DDR1: variants seen among roughly 807,000 people sequenced by gnomAD.
The protein encoded by DDR1 is epithelial discoidin domain-containing receptor 1.
A neutral mutation model predicts 97.4 loss-of-function variants in DDR1; 64 were observed. The ratio of observed to expected loss-of-function variants is 0.66; its 90% confidence interval spans 0.54 to 0.81. DDR1 has a LOEUF of 0.81. Ranked by LOEUF, DDR1 falls within the 30% of genes least tolerant of loss-of-function variation. The probability of loss-of-function intolerance (pLI) is 0.00; values close to 1 mark genes in which losing one functional copy is unlikely to be tolerated. For synonymous variants in DDR1, 458 were observed against 503.7 expected (o/e 0.91, Z 1.21); for missense variants, 990 against 1,259.6 (o/e 0.79, Z 3.24).
rs73428079 is a variant in DDR1 at position 30,885,658 on chromosome 6, G to A, written c.-43+948G>A. 5.6e-4 allele frequency: 756 copies of A among 1,338,484 alleles called. 4 individuals carry two copies. The African/African-American group carries it at 9.6e-3, about 17-fold the overall frequency. 82.9% of individuals were successfully genotyped at this position (1,338,484 alleles called of 1,614,324 possible). ...AGGTGGCTATTCACTGAGCGATGGG[G>A]TTGGACTTGAAGGAATGCCAAGGTG... On this transcript the variant is annotated intron_variant, in intron 1 of 17. Transcript: ENST00000376568.
rs1349459726 is a variant in DDR1 at position 30,893,261 on chromosome 6, G to A, written c.1196-11G>A. 1 of 1,602,972 alleles carries A rather than the reference G, an allele frequency of 6.2e-7. No individual in the cohort carries two copies. The highest frequency in any genetic ancestry group is 8.5e-7 in the Non-Finnish European group (1 of 1,179,006). Reference sequence around the variant, plus strand: ...ACCCTCCTGTGGTGCTGACCCTGCTGCCTCCACCAGAGCTGGAGCCCAGAG... The same window carrying A: ...ACCCTCCTGTGGTGCTGACCCTGCTACCTCCACCAGAGCTGGAGCCCAGAG... On this transcript the variant is annotated splice_polypyrimidine_tract_variant and intron_variant, in intron 9 of 17. Coordinates refer to ENST00000376568, the MANE Select transcript of DDR1 (RefSeq NM_001297654.2).
rs2150439436 is a variant in DDR1 at position 30,897,316 on chromosome 6, GGCGC to G, written c.1998-61_1998-58del. 6.7e-7 allele frequency: 1 copy of G among 1,500,252 alleles called. No homozygotes were observed. The highest frequency in any genetic ancestry group is 9.0e-7 in the Non-Finnish European group (1 of 1,106,870). 92.9% of individuals were successfully genotyped at this position (1,500,252 alleles called of 1,614,324 possible). On this transcript the variant is annotated intron_variant, in intron 14 of 17. Coordinates refer to ENST00000376568, the MANE Select transcript of DDR1 (RefSeq NM_001297654.2). This position sits in a 1 kb window ranked among gnomAD's most constrained non-coding sequence, Gnocchi z 5.2. Reference sequence around the variant, plus strand: ...GCCTGAGGTGGGGCAGGGGGGTGGGGGCGCGGGGGAAGGTGCAGGCCGCCCACTC... The same window carrying G: ...GCCTGAGGTGGGGCAGGGGGGTGGGGGGGGGAAGGTGCAGGCCGCCCACTC...
chr6:30,890,045 C>T lies in DDR1; in HGVS notation c.417+615C>T, dbSNP rs1309614385. On this transcript the variant is annotated intron_variant, in intron 4 of 17. Transcript: ENST00000376568. This position sits in a 1 kb window ranked among gnomAD's most constrained non-coding sequence, Gnocchi z 5.0. ...CCGCCATCTCCAGCTTAGATGAGTG[C>T]AGTAGATGCCAAACGCGTCTCCCTG... is the stretch of plus-strand genomic sequence containing the variant. 1.3e-5 allele frequency among the ~76,000 whole-genome samples: 2 copies of T among 152,204 alleles called. No individual in the cohort carries two copies. Among genetic ancestry groups the T allele is most frequent in the African/African-American group, 2.4e-5 (1 of 41,446 alleles).
chr6:30,897,761 C>T lies in DDR1; in HGVS notation c.2216+164C>T, dbSNP rs2524239. On this transcript the variant is annotated intron_variant, in intron 15 of 17. Transcript: ENST00000376568. This position sits in a 1 kb window ranked among gnomAD's most constrained non-coding sequence, Gnocchi z 5.2. ...AATGTGTGACAAGTTAACCCAGGAA[C>T]ATGGACAGAAAGGCTGGAGGTGACT... is the stretch of plus-strand genomic sequence containing the variant. 6.6e-6 allele frequency among the ~76,000 whole-genome samples: 1 copy of T among 152,188 alleles called. No homozygotes were observed. Among genetic ancestry groups the T allele is most frequent in the Non-Finnish European group, 1.5e-5 (1 of 68,030 alleles).
At position 30,895,369 on chromosome 6, in the gene DDR1, C is replaced by G. The variant is rs765600208; in HGVS notation, c.1514-35C>G. 3.9e-6 allele frequency: 6 copies of G among 1,537,682 alleles called. No homozygotes were observed. The South Asian group carries it at 7.0e-5, about 18-fold the overall frequency. On this transcript the variant is annotated intron_variant, in intron 11 of 17. Transcript: ENST00000376568. ...GTCTGTCTAGCCTTGAGTCTCATCC[C>G]TTCCCCGTGTTTCCCCTCCTCCTTC...
chr6:30,888,868 T>C lies in DDR1; in HGVS notation c.86-40T>C, dbSNP rs541752897. ...GGGCCAGGGCTTGGGAGGTAGAGAG[T>C]TGGGGGCCTTGACCTGTTACATGCC... On this transcript the variant is annotated intron_variant, in intron 2 of 17. Transcript: ENST00000376568. This position sits in a 1 kb window ranked among gnomAD's most constrained non-coding sequence, Gnocchi z 4.2. 639 of 1,612,502 alleles carry C rather than the reference T, an allele frequency of 4.0e-4. 7 individuals are homozygous for C. In the South Asian group the frequency reaches 6.7e-3, roughly 17 times the overall value.
Position 30,889,180 on chromosome 6 carries a change from C to T in DDR1, c.189-22C>T, listed in dbSNP as rs781704194. ...AGGCAGACCTGGGGCCAGATGTTCT[C>T]TGTGCCCCTCTTCACCCTCAGGTTG... On this transcript the variant is annotated intron_variant, in intron 3 of 17. Transcript: ENST00000376568. The surrounding 1 kb of genome is among the most constrained non-coding windows in gnomAD (Gnocchi z 4.9). The T allele has an allele frequency of 6.2e-7, 1 of 1,608,262 alleles. No individual in the cohort carries two copies. Among genetic ancestry groups the T allele is most frequent in the Non-Finnish European group, 8.5e-7 (1 of 1,175,720 alleles).
At chr6:30,896,887 T>A in intron 13 of DDR1, 22 bp downstream of exon 13, 1 of 1,560,604 alleles carries the variant, frequency 6.4e-7, no homozygotes. Flanking sequence ...GCCTACCCAG[T>A]GTCTGGCCCT....
In DDR1 at chr6:30,891,410, G is replaced by C. The variant is rs748701365; in HGVS notation, c.596G>C (p.Gly199Ala). The change falls in exon 6 of 18, where the codon GGG (glycine) becomes GCG (alanine). Residue 199 changes from glycine (G) to alanine (A), a missense_variant. Transcript: ENST00000376568. The surrounding 1 kb of genome is among the most constrained non-coding windows in gnomAD (Gnocchi z 5.3). Reference protein sequence around the residue: ...DGLLSYTAPVGQTMYLSEAVY... With the variant: ...DGLLSYTAPVAQTMYLSEAVY... ...CTCCTGTCTTACACCGCCCCTGTGG[G>C]GCAGACAATGTATTTATCTGAGGCC... is the stretch of plus-strand genomic sequence containing the variant. The C allele has an allele frequency of 2.5e-6, 4 of 1,612,990 alleles. No homozygotes were observed. The highest frequency in any genetic ancestry group is 3.4e-6 in the Non-Finnish European group (4 of 1,179,982).
Position 30,889,122 on chromosome 6 carries a change from G to T in DDR1, c.189-80G>T. On this transcript the variant is annotated intron_variant, in intron 3 of 17. Transcript: ENST00000376568. This position sits in a 1 kb window ranked among gnomAD's most constrained non-coding sequence, Gnocchi z 4.9. The stretch of plus-strand genomic sequence containing the variant: ...AGTGAAACCCCTGCAGGCTGAGGGG[G>T]CAAATGAAGTGGGGTTTAAATACTG... 1 of 1,579,896 alleles carries T rather than the reference G, an allele frequency of 6.3e-7. No homozygotes were observed. The highest frequency in any genetic ancestry group is 1.1e-5 in the South Asian group (1 of 90,036).
Position 30,886,985 on chromosome 6 carries a change from G to T in DDR1, c.-42-1703G>T, listed in dbSNP as rs1786082119. The T allele has an allele frequency of 6.6e-6, 1 of 152,270 alleles. No individual in the cohort carries two copies. The allele number at this position is 152,270 out of a possible 1,614,324, so 9.4% of individuals were successfully genotyped here. A position where few individuals can be genotyped will look rare whatever the true frequency, so the allele number is the denominator to read the frequency against. The stretch of plus-strand genomic sequence containing the variant: ...AAACTTTAATGGGCACAGGTCACCT[G>T]GGAATTGTGTTAAAAGGCAGATTTT... On this transcript the variant is annotated intron_variant, in intron 1 of 17. Transcript: ENST00000376568. This position sits in a 1 kb window ranked among gnomAD's most constrained non-coding sequence, Gnocchi z 4.6.
upstream of DDR1, chr6:30,883,096 G>A (rs1784561891): frequency 2.0e-5 from 3 of 152,236 alleles, no homozygotes; most frequent in African/African-American, 4.8e-5. The surrounding 1 kb of genome is among the most constrained non-coding windows in gnomAD (Gnocchi z 4.9). Context: ...TCAGCCGTTG[G>A]AACGTCCTTG....
chr6:30,898,902 T>G lies in DDR1; in HGVS notation c.2466T>G (p.Thr822=). The G allele has an allele frequency of 6.2e-7, 1 of 1,607,560 alleles. No individual in the cohort carries two copies. The highest frequency in any genetic ancestry group is 8.5e-7 in the Non-Finnish European group (1 of 1,174,614). ...CTGCATCCCAGGGGAAGTTCACGACTGCGAGTGACGTGTGGGCCTTTGGTG... is the reference window on the plus strand; with the variant it reads ...CTGCATCCCAGGGGAAGTTCACGACGGCGAGTGACGTGTGGGCCTTTGGTG... ...WECILMGKFT[T]ASDVWAFGVT... is the part of the protein sequence containing the mutation. Residue 822 remains threonine, a synonymous_variant, in exon 17 of 18, where the codon ACT becomes ACG. Coordinates refer to ENST00000376568, the MANE Select transcript of DDR1 (RefSeq NM_001297654.2).
Position 30,893,153 on chromosome 6 carries a change from C to G in DDR1, c.1185C>G (p.Phe395Leu). ...CGCCTGGCCCACCTCCCACCAACTT[C>G]AGCAGCTTGGGTGAGCAATCTTGGG... The part of the protein sequence containing the change: ...WWPPGPPPTN[F>L]SSLELEPRGQ... The change falls in exon 9 of 18, where the codon TTC becomes TTG. Residue 395 changes from phenylalanine (F) to leucine (L), a missense_variant. By Grantham distance (22) the Phe-to-Leu change is conservative. Coordinates refer to ENST00000376568, the MANE Select transcript of DDR1 (RefSeq NM_001297654.2). 6.2e-7 allele frequency: 1 copy of G among 1,608,778 alleles called. No individual in the cohort carries two copies. The highest frequency in any genetic ancestry group is 1.3e-5 in the African/African-American group (1 of 75,042).
intron 1 of DDR1, among the ~76,000 whole-genome samples, chr6:30,887,793 TCTCA>T (rs1193837061): frequency 3.9e-5 from 6 of 152,072 alleles, no homozygotes; most frequent in Non-Finnish European, 7.4e-5. Flanking sequence ...AGAGATGGGG[TCTCA>T]CTATGTTCAC....
At chr6:30,885,195 G>A in intron 1 of DDR1, 1 of 1,532,094 alleles carries the variant, frequency 6.5e-7, no homozygotes, top group East Asian at 2.5e-5. Context: ...CCGGCTGGAT[G>A]GTCAATTAGC....
rs2150290934 is a variant in DDR1 at position 30,888,974 on chromosome 6, G to A, written c.152G>A (p.Ser51Asn). ...TIPDSDISASSSWSDSTAARH... is the reference protein window; with the variant it reads ...TIPDSDISASNSWSDSTAARH... The stretch of plus-strand genomic sequence containing the variant: ...CCAGACAGTGACATCTCTGCTTCCA[G>A]CTCCTGGTCAGATTCCACTGCCGCC... Residue 51 changes from serine to asparagine, a missense_variant, in exon 3 of 18, where the codon AGC becomes AAC. Transcript: ENST00000376568. This position sits in a 1 kb window ranked among gnomAD's most constrained non-coding sequence, Gnocchi z 4.2. 1 of 1,612,912 alleles carries A rather than the reference G, an allele frequency of 6.2e-7. No homozygotes were observed. The highest frequency in any genetic ancestry group is 1.1e-5 in the South Asian group (1 of 91,064).
upstream of DDR1, chr6:30,882,765 G>A (rs1440081805): frequency 6.5e-6 from 1 of 152,896 alleles, no homozygotes; most frequent in Non-Finnish European, 1.5e-5. This position sits in a 1 kb window ranked among gnomAD's most constrained non-coding sequence, Gnocchi z 4.8. Context: ...GCTGGGGTCA[G>A]CGTGGGCCTG....
chr6:30,889,476 C>T lies in DDR1; in HGVS notation c.417+46C>T. On this transcript the variant is annotated intron_variant, in intron 4 of 17. Coordinates refer to ENST00000376568, the MANE Select transcript of DDR1 (RefSeq NM_001297654.2). The surrounding 1 kb of genome is among the most constrained non-coding windows in gnomAD (Gnocchi z 4.9). The stretch of plus-strand genomic sequence containing the variant: ...ACCCAGAGGAGGTTGGCTCTCCTCA[C>T]TTCCAGCTGTACTTTAAACACCACC... 2.2e-6 allele frequency: 3 copies of T among 1,371,702 alleles called. No homozygotes were observed. Among genetic ancestry groups the T allele is most frequent in the Non-Finnish European group, 2.9e-6 (3 of 1,031,376 alleles). 85.0% of individuals were successfully genotyped at this position (1,371,702 alleles called of 1,614,324 possible). A position where few individuals can be genotyped will look rare whatever the true frequency, so the allele number is the denominator to read the frequency against.
Sources: gnomAD v4.1 joint callset for allele counts (sites outside exome capture counted in the v4.1 genomes callset) on GRCh38, gnomAD v4.1.1 for gene constraint, Gnocchi (gnomAD v3.1) non-coding constraint, MANE v1.5 for transcripts, NCBI Gene and HGNC (gene_info 2026-07-23, HGNC 2026-07-21) for gene names.